Variants in RALYL observed in about 807,000 individuals in gnomAD.
The protein encoded by RALYL is RNA-binding Raly-like protein.
A neutral mutation model predicts 35.1 loss-of-function variants in RALYL; 29 were observed. That is an observed-to-expected ratio of 0.83 (90% CI 0.61 to 1.13). The LOEUF is 1.13. RALYL is among the 50% of genes most tolerant of loss of function. The pLI is 0.00. For synonymous variants in RALYL, 120 were observed against 127.6 expected (o/e 0.94, Z 0.40); for missense variants, 359 against 360.4 (o/e 1.00, Z 0.03).
At chr8:84,690,590 A>G (rs1379960440) in intron 2 of RALYL, among the ~76,000 whole-genome samples, 1 of 152,148 alleles carries the variant, frequency 6.6e-6, no homozygotes, top group East Asian at 1.9e-4. Flanking sequence ...ATCAAAACAT[A>G]TACAATTATA....
intron 1 of RALYL, among the ~76,000 whole-genome samples, chr8:84,450,602 G>T (rs1312583504): frequency 2.0e-5 from 3 of 151,768 alleles, no homozygotes; most frequent in African/African-American, 7.3e-5. Context: ...CTACAGTTCA[G>T]ATAATACCTT....
chr8:84,704,446 GACACACACAC>G (rs3068023), intron 2 of RALYL, among the ~76,000 whole-genome samples: 25 of 104,032 alleles, frequency 2.4e-4, no homozygotes, highest in African/African-American at 7.3e-4. Flanking sequence ...AATACACACA[GACACACACAC>G]ACACACACAC....
chr8:84,875,115 A>G (rs1020438363), intron 7 of RALYL, among the ~76,000 whole-genome samples: 7 of 152,154 alleles, frequency 4.6e-5, no homozygotes, highest in Non-Finnish European at 8.8e-5. Context: ...TAGATTTTAG[A>G]AAGTTTTTAA....
intron 1 of RALYL, among the ~76,000 whole-genome samples, chr8:84,390,277 C>T (rs969620273): frequency 4.6e-5 from 7 of 152,116 alleles, no homozygotes; most frequent in Admixed American, 1.3e-4. Context: ...CATCAATGTT[C>T]ATCAAGGATA....
At chr8:84,345,158 A>G (rs902873778) in intron 1 of RALYL, among the ~76,000 whole-genome samples, 1 of 146,190 alleles carries the variant, frequency 6.8e-6, no homozygotes, top group Non-Finnish European at 1.5e-5. Flanking sequence ...ACTATTTTAC[A>G]CTCTCACCAA....
chr8:84,281,563 T>A (rs1836568603), intron 1 of RALYL, among the ~76,000 whole-genome samples: 1 of 152,170 alleles, frequency 6.6e-6, no homozygotes, highest in South Asian at 2.1e-4. Flanking sequence ...CAGAATTATC[T>A]TCTTCTAATT....
chr8:84,890,185 AAAGAG>A (rs1843584199), intron 8 of RALYL, among the ~76,000 whole-genome samples: 1 of 152,268 alleles, frequency 6.6e-6, no homozygotes, highest in South Asian at 2.1e-4. Context: ...TGGTGAAGAG[AAAGAG>A]AAAAGATCCC....
At chr8:84,366,539 G>A (rs1202028240) in intron 1 of RALYL, among the ~76,000 whole-genome samples, 6 of 152,142 alleles carry the variant, frequency 3.9e-5, no homozygotes, top group African/African-American at 1.2e-4. Flanking sequence ...CCCTTTGGGA[G>A]GCTGAGGAGG....
intron 3 of RALYL, among the ~76,000 whole-genome samples, chr8:84,794,863 A>G (rs1182094084): frequency 6.6e-6 from 1 of 152,230 alleles, no homozygotes; most frequent in Non-Finnish European, 1.5e-5. Flanking sequence ...ATGAAAGAAC[A>G]TTACAGTCCA....
At chr8:84,612,550 C>CAAGCA (rs1564235368) in intron 2 of RALYL, among the ~76,000 whole-genome samples, 1 of 151,836 alleles carries the variant, frequency 6.6e-6, no homozygotes, top group African/African-American at 2.4e-5. Flanking sequence ...TGTTACTCTA[C>CAAGCA]TCCAGAAGAG....
intron 2 of RALYL, among the ~76,000 whole-genome samples, chr8:84,624,975 C>T (rs937116743): frequency 6.6e-6 from 1 of 152,106 alleles, no homozygotes; most frequent in Non-Finnish European, 1.5e-5. Context: ...TAGAGAAATG[C>T]ATTCATAGAT....
chr8:84,554,863 A>C (rs888999105), intron 2 of RALYL, among the ~76,000 whole-genome samples: 1 of 152,246 alleles, frequency 6.6e-6, no homozygotes, highest in Non-Finnish European at 1.5e-5. Flanking sequence ...TCTTCAAAAC[A>C]AAAGAGTATG....
intron 2 of RALYL, among the ~76,000 whole-genome samples, chr8:84,533,309 G>T (rs533967566): frequency 6.6e-6 from 1 of 152,164 alleles, no homozygotes; most frequent in Non-Finnish European, 1.5e-5. Context: ...TTATATGCGA[G>T]ATAAAAACAT....
intron 3 of RALYL, among the ~76,000 whole-genome samples, chr8:84,781,332 A>C (rs929343450): frequency 2.6e-5 from 4 of 152,364 alleles, no homozygotes; most frequent in Non-Finnish European, 5.9e-5. Context: ...TATAACTTAT[A>C]GACCTTTTAT....
intron 1 of RALYL, among the ~76,000 whole-genome samples, chr8:84,504,870 T>C (rs187115405): frequency 8.5e-5 from 13 of 152,144 alleles, no homozygotes. Flanking sequence ...TACTTCAGTA[T>C]GTATACTCTT....
At chr8:84,425,172 T>C (rs1200890290) in intron 1 of RALYL, among the ~76,000 whole-genome samples, 1 of 152,148 alleles carries the variant, frequency 6.6e-6, no homozygotes, top group African/African-American at 2.4e-5. Context: ...TGCAGTTTGA[T>C]CTCAGACTGC....
At chr8:84,287,329 AG>A (rs1837824047) in intron 1 of RALYL, among the ~76,000 whole-genome samples, 5 of 71,420 alleles carry the variant, frequency 7.0e-5, no homozygotes, top group Non-Finnish European at 1.5e-4. Context: ...GTTATTAGGA[AG>A]ATCATTGAAA....
At chr8:84,568,594 T>C (rs1335686591) in intron 2 of RALYL, among the ~76,000 whole-genome samples, 2 of 141,884 alleles carry the variant, frequency 1.4e-5, no homozygotes, top group African/African-American at 5.3e-5. Flanking sequence ...TCAAATGGTA[T>C]TTCTAGTTCT....
intron 3 of RALYL, among the ~76,000 whole-genome samples, chr8:84,799,954 TG>T (rs1390991607): frequency 6.6e-6 from 1 of 152,174 alleles, no homozygotes; most frequent in Non-Finnish European, 1.5e-5. Context: ...AGCAAGACTC[TG>T]TCTCAAAAAT....
Sources: gnomAD v4.1 joint callset for allele counts (sites outside exome capture counted in the v4.1 genomes callset) on GRCh38, gnomAD v4.1.1 for gene constraint, MANE v1.5 for transcripts, NCBI Gene and HGNC (gene_info 2026-07-23, HGNC 2026-07-21) for gene names.